The following MKRN2OS variants were observed in gnomAD, a reference collection of about 807,000 sequenced individuals.
MKRN2OS encodes the protein MKRN2 opposite strand.
MKRN2OS carries 17 observed loss-of-function variants against 18.2 expected under a neutral mutation model. The ratio of observed to expected loss-of-function variants is 0.93; its 90% confidence interval spans 0.64 to 1.40. The LOEUF is 1.40. Among genes scored for constraint, MKRN2OS ranks in the 40% most tolerant of loss-of-function variants. The pLI is 0.00. For missense variants in MKRN2OS, 337 were observed against 283.0 expected (o/e 1.19, Z -1.37); for synonymous variants, 121 against 108.5 (o/e 1.12, Z -0.72).
rs1442448692 is a variant in MKRN2OS at position 12,543,240 on chromosome 3, C to CA, written c.219-12dup. The CA allele has an allele frequency of 1.0e-5, 16 of 1,527,600 alleles. No homozygotes were observed. The East Asian group carries it at 3.7e-4, about 35-fold the overall frequency. The allele number at this position is 1,527,600 out of a possible 1,614,324, so 94.6% of individuals were successfully genotyped here. On this transcript the variant is annotated splice_polypyrimidine_tract_variant and intron_variant, in intron 1 of 3. Coordinates refer to ENST00000564146, the MANE Select transcript of MKRN2OS (RefSeq NM_001195279.2). The stretch of plus-strand genomic sequence containing the variant: ...CTTCCATCATACTCTCTGAAAGAAA[C>CA]AAGGTTTGTTTTTTTTTGGTTTGCA...
chr3:12,558,472 T>C (rs962795053), intron 1 of MKRN2OS, among the ~76,000 whole-genome samples: 1 of 152,208 alleles, frequency 6.6e-6, no homozygotes, highest in Non-Finnish European at 1.5e-5. Flanking sequence ...CTCCCCTCGC[T>C]CTATGGTTTA....
At chr3:12,557,131 G>C in intron 1 of MKRN2OS, 1 of 1,493,168 alleles carries the variant, frequency 6.7e-7, no homozygotes. Flanking sequence ...GCACGACGAC[G>C]GTCCCTCAGC....
At chr3:12,550,426 G>A (rs991265135), upstream of MKRN2OS, among the ~76,000 whole-genome samples, 2 of 152,214 alleles carry the variant, frequency 1.3e-5, no homozygotes, top group Non-Finnish European at 2.9e-5. Context: ...GTTGACGGAA[G>A]GGAGGGATAA....
intron 1 of MKRN2OS, among the ~76,000 whole-genome samples, chr3:12,560,362 C>T (rs949295402): frequency 2.6e-4 from 39 of 151,564 alleles, no homozygotes; most frequent in African/African-American, 8.5e-4. Context: ...CTAATCAGTA[C>T]ATTTATTGCA....
intron 1 of MKRN2OS, chr3:12,557,227 G>C (rs747581485): frequency 2.0e-6 from 3 of 1,520,910 alleles, no homozygotes; most frequent in South Asian, 2.4e-5. Context: ...GGCCGCAGGG[G>C]GGCCGGTGCG....
At chr3:12,556,008 C>T (rs1228286053) in intron 1 of MKRN2OS, among the ~76,000 whole-genome samples, 3 of 151,852 alleles carry the variant, frequency 2.0e-5, no homozygotes, top group Non-Finnish European at 4.4e-5. Flanking sequence ...GTGGTAGTTT[C>T]ATGAGTGTAT....
chr3:12,545,179 A>G (rs1306979332), intron 1 of MKRN2OS, 68 bp downstream of exon 1: 1 of 1,282,390 alleles, frequency 7.8e-7, no homozygotes, highest in Admixed American at 2.8e-5. Context: ...AAGAAAAGGA[A>G]ACTTTAGTGA....
downstream of MKRN2OS, among the ~76,000 whole-genome samples, chr3:12,551,716 A>C (rs1333408342): frequency 6.6e-6 from 1 of 151,926 alleles, no homozygotes; most frequent in Non-Finnish European, 1.5e-5. Flanking sequence ...TGGGCAGATC[A>C]CCTGAGGTCA....
chr3:12,549,817 T>C (rs2057915572), upstream of MKRN2OS, among the ~76,000 whole-genome samples: 1 of 152,230 alleles, frequency 6.6e-6, no homozygotes, highest in Non-Finnish European at 1.5e-5. Context: ...GCTCACAAAA[T>C]GCTGGGATTA....
chr3:12,558,664 C>T (rs1312083681), intron 1 of MKRN2OS, among the ~76,000 whole-genome samples: 1 of 152,144 alleles, frequency 6.6e-6, no homozygotes, highest in Non-Finnish European at 1.5e-5. Flanking sequence ...GGCACAAGGA[C>T]CTAAATCAGG....
At chr3:12,558,228 T>C (rs778712222) in intron 1 of MKRN2OS, among the ~76,000 whole-genome samples, 5 of 152,246 alleles carry the variant, frequency 3.3e-5, no homozygotes, top group Non-Finnish European at 7.3e-5. Context: ...CATTTACTGT[T>C]CAATTTATCC....
At position 12,540,075 on chromosome 3, in the gene MKRN2OS, A is replaced by G; in HGVS notation, c.*118T>C. 2.1e-6 allele frequency: 3 copies of G among 1,411,770 alleles called. No homozygotes were observed. The highest frequency in any genetic ancestry group is 2.5e-4 in the Middle Eastern group (1 of 4,068). The allele number at this position is 1,411,770 out of a possible 1,614,324, so 87.5% of individuals were successfully genotyped here. ...GCTGGGATTACAGGTGTGAGCCACC[A>G]TGCCCGGCCCATACACGCTTTTATT... On this transcript the variant is annotated 3_prime_UTR_variant, in exon 4 of 4. Transcript: ENST00000564146.
chr3:12,550,817 GTTATGTTGGGTTATAT>G (rs55849702), downstream of MKRN2OS, among the ~76,000 whole-genome samples: 85,717 of 151,848 alleles, frequency 0.56, 26,870 homozygotes, highest in African/African-American at 0.84. Context: ...AACATATTTT[GTTATGTTGGGTTATAT>G]GTGTTGGGTA....
At position 12,540,193 on chromosome 3, in the gene MKRN2OS, T is replaced by A. The variant is rs1008336160; in HGVS notation, c.672A>T (p.Ter224CysextTer12). 3 of 1,536,134 alleles carry A rather than the reference T, an allele frequency of 2.0e-6. No homozygotes were observed. The highest frequency in any genetic ancestry group is 2.7e-5 in the African/African-American group (2 of 73,170). The change falls in exon 4 of 4, where the codon TGA (stop) becomes TGT (cysteine). Residue 224 changes from the stop codon to cysteine (C), a stop_lost. Transcript: ENST00000564146. ...CGTCCAGGCTGCGCTTACATAGCTC[T>A]CAGCACAAACCGCCGCCCTCAGGGG... ...AQPPEGGGLC[*>C]
chr3:12,541,655 G>C (rs569227217), intron 3 of MKRN2OS, among the ~76,000 whole-genome samples: 1 of 152,244 alleles, frequency 6.6e-6, no homozygotes, highest in East Asian at 1.9e-4. Flanking sequence ...CTGTGATTTT[G>C]TTGTATGTGT....
chr3:12,546,241 CATTTT>C (rs986097106), upstream of MKRN2OS, among the ~76,000 whole-genome samples: 85 of 152,168 alleles, frequency 5.6e-4, no homozygotes, highest in African/African-American at 1.9e-3. Flanking sequence ...TTTATTTTGA[CATTTT>C]ATATTATAAA....
At chr3:12,552,400 T>C (rs1278244957), downstream of MKRN2OS, among the ~76,000 whole-genome samples, 1 of 144,342 alleles carries the variant, frequency 6.9e-6, no homozygotes. Context: ...TATTTTAATT[T>C]TTTTTAATTT....
intron 1 of MKRN2OS, among the ~76,000 whole-genome samples, chr3:12,557,642 C>T (rs1449550452): frequency 6.6e-6 from 1 of 152,224 alleles, no homozygotes; most frequent in South Asian, 2.1e-4. Flanking sequence ...TCTAAACTTG[C>T]AGAGAGTTAA....
chr3:12,549,172 T>A (rs2057909873), upstream of MKRN2OS, among the ~76,000 whole-genome samples: 1 of 152,174 alleles, frequency 6.6e-6, no homozygotes, highest in South Asian at 2.1e-4. Context: ...CTTGAACTCC[T>A]GACCTTGTGA....
Sources: allele counts gnomAD v4.1 joint callset (sites outside exome capture counted in the v4.1 genomes callset), GRCh38; gene constraint gnomAD v4.1.1; transcripts MANE v1.5; gene names NCBI Gene and HGNC (gene_info 2026-07-23, HGNC 2026-07-21).